The following NTRK3 variants were observed in gnomAD, a reference collection of about 807,000 sequenced individuals.
NTRK3 encodes NT-3 growth factor receptor.
NTRK3 carries 24 observed loss-of-function variants against 91.7 expected under a neutral mutation model. The observed-to-expected ratio is 0.26, with a 90% CI of 0.19 to 0.37. The LOEUF is 0.37. Among genes scored for constraint, NTRK3 ranks in the 10% least tolerant of loss-of-function variants. NTRK3 has a pLI of 1.00. For synonymous variants in NTRK3, 483 were observed against 404.0 expected (o/e 1.20, Z -2.34); for missense variants, 880 against 1,068.9 (o/e 0.82, Z 2.46).
intron 13 of NTRK3, among the ~76,000 whole-genome samples, chr15:88,059,040 T>C (rs1363651296): frequency 2.8e-5 from 4 of 142,378 alleles, no homozygotes; most frequent in African/African-American, 1.0e-4. Flanking sequence ...TTTATTTCAC[T>C]CACACACAAA....
chr15:88,208,019 G>T (rs1567649019), intron 3 of NTRK3, among the ~76,000 whole-genome samples: 1 of 152,144 alleles, frequency 6.6e-6, no homozygotes, highest in African/African-American at 2.4e-5. Context: ...AGGCTACTTG[G>T]TTTGCATCGA....
intron 13 of NTRK3, among the ~76,000 whole-genome samples, chr15:88,073,868 AG>A (rs1849354755): frequency 6.6e-6 from 1 of 152,168 alleles, no homozygotes; most frequent in African/African-American, 2.4e-5. Context: ...CTGAGAAAAA[AG>A]CATGTGTCTC....
At chr15:88,200,040 G>A (rs1213385512) in intron 3 of NTRK3, among the ~76,000 whole-genome samples, 1 of 152,220 alleles carries the variant, frequency 6.6e-6, no homozygotes, top group Non-Finnish European at 1.5e-5. Context: ...CTATGCACAA[G>A]GAAGAGGCAC....
intron 13 of NTRK3, among the ~76,000 whole-genome samples, chr15:88,049,561 T>G (rs1192861952): frequency 6.6e-6 from 1 of 152,148 alleles, no homozygotes; most frequent in Non-Finnish European, 1.5e-5. Context: ...ATGATATATG[T>G]AAAAGGTCAG....
intron 17 of NTRK3, chr15:87,916,560 C>T (rs1474351264): frequency 1.4e-6 from 1 of 702,310 alleles, no homozygotes; most frequent in Admixed American, 2.0e-5. Context: ...GCCTGCACAA[C>T]CTTCAATGAG....
chr15:87,875,975 C>A (rs1386627780), exon 19 of NTRK3: 3 of 231,980 alleles, frequency 1.3e-5, no homozygotes, highest in Non-Finnish European at 2.6e-5. Context: ...TGTTTCCTAA[C>A]CCCCTAAGCT....
intron 13 of NTRK3, chr15:88,098,613 C>T (rs779457692): frequency 1.3e-5 from 3 of 230,322 alleles, no homozygotes; most frequent in Non-Finnish European, 2.6e-5. Context: ...CCAGCTATGG[C>T]GAGGTTGGAG....
intron 14 of NTRK3, among the ~76,000 whole-genome samples, chr15:88,007,887 T>C (rs190395408): frequency 1.3e-4 from 20 of 152,322 alleles, no homozygotes; most frequent in African/African-American, 4.6e-4. Context: ...TTATACCCTA[T>C]GATGCTGCAT....
At chr15:88,191,163 C>CGTGTGTGTGTGTGTGTGTGTGT (rs60048541) in intron 3 of NTRK3, among the ~76,000 whole-genome samples, 22 of 137,964 alleles carry the variant, frequency 1.6e-4, no homozygotes, top group African/African-American at 5.6e-4. Context: ...TGATGTTTCC[C>CGTGTGTGTGTGTGTGTGTGTGT]GTGTGTGTGT....
exon 19 of NTRK3, chr15:87,861,651 A>T (rs1012653888): frequency 5.1e-6 from 1 of 194,422 alleles, no homozygotes; most frequent in Non-Finnish European, 1.1e-5. Flanking sequence ...GCCGGCTGAG[A>T]GTGGAAAATA....
rs2051554951 is a variant in NTRK3, at chr15:88,234,920, C to T, written c.248+20986G>A. On this transcript the variant is annotated intron_variant, in intron 3 of 18. Transcript: ENST00000394480. The surrounding 1 kb of genome is among the most constrained non-coding windows in gnomAD (Gnocchi z 6.1). ...TCCTATCCAGCCCCCGACACACTTC[C>T]AGCCCCTTCCAACCTGAGAGGCGTT... Among the ~76,000 whole-genome samples the T allele has an allele frequency of 6.6e-6, 1 of 152,152 alleles. No homozygotes were observed. The highest frequency in any genetic ancestry group is 1.5e-5 in the Non-Finnish European group (1 of 68,006).
chr15:88,057,974 A>G (rs901674089), intron 13 of NTRK3, among the ~76,000 whole-genome samples: 3 of 152,204 alleles, frequency 2.0e-5, no homozygotes, highest in African/African-American at 7.2e-5. Flanking sequence ...GCAAAGGAAA[A>G]GGGCGGGCCA....
At chr15:88,005,109 C>T (rs2141676152) in intron 14 of NTRK3, among the ~76,000 whole-genome samples, 1 of 152,314 alleles carries the variant, frequency 6.6e-6, no homozygotes, top group Middle Eastern at 3.4e-3. Flanking sequence ...TGTTTTCCCT[C>T]TATTGATTTG....
intron 12 of NTRK3, among the ~76,000 whole-genome samples, chr15:88,126,738 G>C (rs954233581): frequency 7.9e-5 from 12 of 152,128 alleles, no homozygotes; most frequent in African/African-American, 2.7e-4. Flanking sequence ...TCTTATCCAG[G>C]AAAGTCGAAA....
At chr15:88,129,829 A>G (rs1270632655) in intron 10 of NTRK3, among the ~76,000 whole-genome samples, 2 of 152,230 alleles carry the variant, frequency 1.3e-5, no homozygotes, top group African/African-American at 4.8e-5. Context: ...CCCAAAATCC[A>G]TATACAGAAA....
intron 5 of NTRK3, among the ~76,000 whole-genome samples, chr15:88,182,286 G>T (rs149224005): frequency 1.2e-4 from 18 of 151,740 alleles, no homozygotes; most frequent in African/African-American, 4.1e-4. Flanking sequence ...GAGCCTGGGG[G>T]TAAGGTCAGG....
At position 88,243,140 on chromosome 15, in the gene NTRK3, G is replaced by A. The variant is rs1041922088; in HGVS notation, c.248+12766C>T. On this transcript the variant is annotated intron_variant, in intron 3 of 18. Coordinates refer to ENST00000394480, the Ensembl canonical transcript of NTRK3. This position sits in a 1 kb window ranked among gnomAD's most constrained non-coding sequence, Gnocchi z 4.8. ...TTCCATTTCTTTCTTGCTCCTGAGT[G>A]CCTCAAAGACAAGGTTTCTGCCAAG... Among the ~76,000 whole-genome samples the A allele has an allele frequency of 1.3e-5, 2 of 152,174 alleles. No individual in the cohort carries two copies. Among genetic ancestry groups the A allele is most frequent in the African/African-American group, 4.8e-5 (2 of 41,458 alleles).
intron 13 of NTRK3, among the ~76,000 whole-genome samples, chr15:88,075,155 C>G (rs1201135119): frequency 6.6e-6 from 1 of 152,182 alleles, no homozygotes; most frequent in Non-Finnish European, 1.5e-5. Context: ...CAGTGTGCAT[C>G]CCTCAGCTGC....
rs75376334 is a variant in NTRK3, at chr15:87,961,536, T to C, written c.1586-20783A>G. On this transcript the variant is annotated intron_variant, in intron 14 of 18. Transcript: ENST00000394480. ...TTCTGGGCACTGTAGTATTAGCAGG[T>C]TTGCCGATTGGCATACCAGCTACAG... is the stretch of plus-strand genomic sequence containing the variant. Among the ~76,000 whole-genome samples the C allele has an allele frequency of 7.2e-3, 1,098 of 152,374 alleles. 14 individuals are homozygous for C. Among genetic ancestry groups the C allele is most frequent in the African/African-American group, 0.025 (1,038 of 41,588 alleles).
Sources: allele counts gnomAD v4.1 joint callset (sites outside exome capture counted in the v4.1 genomes callset), GRCh38; gene constraint gnomAD v4.1.1; non-coding constraint Gnocchi (gnomAD v3.1); transcripts MANE v1.5; gene names NCBI Gene and HGNC (gene_info 2026-07-23, HGNC 2026-07-21).